The following ATP2B4 variants were observed in gnomAD, a reference collection of about 807,000 sequenced individuals.
ATP2B4 encodes plasma membrane calcium-transporting ATPase 4.
In ATP2B4, 39 loss-of-function variants were observed where a neutral mutation model predicts 110.3. The ratio of observed to expected loss-of-function variants is 0.35; its 90% CI spans 0.27 to 0.46. The LOEUF (loss-of-function observed/expected upper bound fraction) is 0.46, where lower values mean the gene tolerates loss of function less well. Among genes scored for constraint, ATP2B4 ranks in the 20% least tolerant of loss-of-function variants. ATP2B4 has a pLI of 1.00. For missense variants in ATP2B4, 1,135 were observed against 1,530.9 expected (o/e 0.74, Z 4.32); for synonymous variants, 538 against 571.7 (o/e 0.94, Z 0.84).
chr1:203,700,417 T>G, intron 5 of ATP2B4, 86 bp downstream of exon 5: 5 of 1,488,220 alleles, frequency 3.4e-6, no homozygotes, highest in East Asian at 2.3e-5. Flanking sequence ...CTCCTCTGAC[T>G]CTGTCCCATC....
intron 2 of ATP2B4, 126 bp downstream of exon 2, chr1:203,683,524 AGGTAT>A (rs1665080137): frequency 1.1e-6 from 1 of 949,410 alleles, no homozygotes; most frequent in Admixed American, 3.1e-5. Context: ...CTGGTGGGAA[AGGTAT>A]GGCATCTGAA....
intron 19 of ATP2B4, 130 bp downstream of exon 19, chr1:203,724,118 C>A (rs894041646): frequency 2.8e-6 from 2 of 704,976 alleles, no homozygotes; most frequent in East Asian, 5.8e-5. Flanking sequence ...TCCCTCCCCA[C>A]CCCCACTCAA....
chr1:203,664,673 G>T (rs949058594), intron 1 of ATP2B4, among the ~76,000 whole-genome samples: 1 of 152,108 alleles, frequency 6.6e-6, no homozygotes, highest in Non-Finnish European at 1.5e-5. Flanking sequence ...CCACGGGGCT[G>T]GCCACTTTGA....
chr1:203,647,620 G>A (rs181119020), intron 1 of ATP2B4, among the ~76,000 whole-genome samples: 227 of 152,068 alleles, frequency 1.5e-3, no homozygotes, highest in Admixed American at 4.0e-3. Context: ...TTAGCTGAGC[G>A]TGGTAGTGCA....
rs1665984337 is a variant in ATP2B4, at chr1:203,710,825, A to T, written c.1800-52A>T. 6 of 1,373,896 alleles carry T rather than the reference A, an allele frequency of 4.4e-6. No homozygotes were observed. In the Admixed American group the frequency reaches 1.1e-4, roughly 26 times the overall value. The allele number at this position is 1,373,896 out of a possible 1,614,324, so 85.1% of individuals were successfully genotyped here. ...CAAAATACCTGTCAATGATTGTAGAAACGTATTGAGTGGGAAGGGAGACAC... is the reference window on the plus strand; with the variant it reads ...CAAAATACCTGTCAATGATTGTAGATACGTATTGAGTGGGAAGGGAGACAC... On this transcript the variant is annotated intron_variant, in intron 11 of 20. Coordinates refer to ENST00000357681, the MANE Select transcript of ATP2B4 (RefSeq NM_001684.5).
At chr1:203,733,239 C>G (rs755298555) in intron 20 of ATP2B4, 4 of 1,612,848 alleles carry the variant, frequency 2.5e-6, no homozygotes, top group Non-Finnish European at 2.5e-6. Context: ...GTAATTAACA[C>G]ATTCCAGACG....
intron 1 of ATP2B4, among the ~76,000 whole-genome samples, chr1:203,637,337 A>G (rs1205522635): frequency 1.3e-5 from 2 of 148,806 alleles, no homozygotes; most frequent in Admixed American, 6.8e-5. Flanking sequence ...AGGCTGAGGC[A>G]GGAGAATGGC....
At position 203,683,218 on chromosome 1, in the gene ATP2B4, T is replaced by G. The variant is rs772349464; in HGVS notation, c.13T>G (p.Ser5Ala). 5 of 1,613,812 alleles carry G rather than the reference T, an allele frequency of 3.1e-6. No homozygotes were observed. Among genetic ancestry groups the G allele is most frequent in the Non-Finnish European group, 3.4e-6 (4 of 1,179,918 alleles). The change falls in exon 2 of 21, where the codon TCA becomes GCA. Residue 5 changes from serine (S) to alanine (A), a missense_variant. Coordinates refer to ENST00000357681, the MANE Select transcript of ATP2B4 (RefSeq NM_001684.5). The stretch of plus-strand genomic sequence containing the variant: ...AACAGCAGGCAAAATGACGAACCCA[T>G]CAGACCGTGTCTTGCCTGCCAACTC... MTNP[S>A]DRVLPANSMA...
At chr1:203,671,475 G>C (rs1664660319) in intron 1 of ATP2B4, among the ~76,000 whole-genome samples, 1 of 152,130 alleles carries the variant, frequency 6.6e-6, no homozygotes, top group Non-Finnish European at 1.5e-5. Context: ...TGCCCATCTT[G>C]AACCACCTAT....
chr1:203,719,721 T>TATAA (rs34272522), intron 15 of ATP2B4, among the ~76,000 whole-genome samples: 30,301 of 146,162 alleles, frequency 0.21, 3,616 homozygotes, highest in Middle Eastern at 0.36. Context: ...TCTCAAAAAC[T>TATAA]ATAAATAAAT....
intron 2 of ATP2B4, 28 bp from the exon 3 acceptor site, chr1:203,698,129 C>G (rs1021918516): frequency 6.2e-7 from 1 of 1,607,130 alleles, no homozygotes; most frequent in Non-Finnish European, 8.5e-7. Flanking sequence ...TTCCTACATT[C>G]ATTCATCCAC....
At chr1:203,657,229 G>T in intron 1 of ATP2B4, 1 of 724,950 alleles carries the variant, frequency 1.4e-6, no homozygotes, top group Non-Finnish European at 2.5e-6. Context: ...ATGCATATTG[G>T]CCTGATCAGT....
chr1:203,692,807 A>G (rs980848975), intron 2 of ATP2B4, among the ~76,000 whole-genome samples: 1 of 152,114 alleles, frequency 6.6e-6, no homozygotes, highest in African/African-American at 2.4e-5. Flanking sequence ...CTGCACACTC[A>G]TGGCAGACAC....
Position 203,709,588 on chromosome 1 carries a change from A to G in ATP2B4, c.1799+46A>G, listed in dbSNP as rs1450313624. 3.7e-6 allele frequency: 6 copies of G among 1,611,110 alleles called. No individual in the cohort carries two copies. The South Asian group carries it at 5.5e-5, about 15-fold the overall frequency. The stretch of plus-strand genomic sequence containing the variant: ...TGCTTCCCTTCAAGATCCTCTCCTC[A>G]GGAAGGCATGGGTGCACACCCCACA... On this transcript the variant is annotated intron_variant, in intron 11 of 20. Coordinates refer to ENST00000357681, the MANE Select transcript of ATP2B4 (RefSeq NM_001684.5).
At chr1:203,703,964 C>G in intron 8 of ATP2B4, 151 bp downstream of exon 8, 1 of 977,614 alleles carries the variant, frequency 1.0e-6, no homozygotes, top group African/African-American at 1.7e-5. Flanking sequence ...TTCCCTATCT[C>G]CGCCACTGTT....
chr1:203,724,601 T>A (rs908479964), intron 19 of ATP2B4, among the ~76,000 whole-genome samples: 2 of 147,796 alleles, frequency 1.4e-5, no homozygotes, highest in African/African-American at 2.5e-5. Context: ...AAAAAAAAAA[T>A]ATATAATAAG....
rs1235417256 is a variant in ATP2B4, at chr1:203,709,381, G to A, written c.1638G>A (p.Leu546=). 6.2e-7 allele frequency: 1 copy of A among 1,614,112 alleles called. No homozygotes were observed. The highest frequency in any genetic ancestry group is 8.5e-7 in the Non-Finnish European group (1 of 1,180,060). ...ECALLGFVTD[L]KQDYQAVRNE... ...CTCTGCTAGGCTTTGTCACAGATCT[G>A]AAGCAGGATTATCAGGCTGTGCGTA... The change falls in exon 11 of 21, where the codon CTG becomes CTA. Residue 546 remains leucine, a synonymous_variant. Transcript: ENST00000357681.
intron 11 of ATP2B4, 60 bp downstream of exon 11, chr1:203,709,602 G>T: frequency 6.2e-7 from 1 of 1,605,726 alleles, no homozygotes; most frequent in Non-Finnish European, 8.5e-7. Flanking sequence ...AGGCATGGGT[G>T]CACACCCCAC....
intron 20 of ATP2B4, among the ~76,000 whole-genome samples, chr1:203,731,937 G>C (rs1417847031): frequency 6.6e-6 from 1 of 151,090 alleles, no homozygotes; most frequent in African/African-American, 2.4e-5. Flanking sequence ...CCAGCACTTT[G>C]GGAGGCCAAG....
Sources: gnomAD v4.1 joint callset for allele counts (sites outside exome capture counted in the v4.1 genomes callset) on GRCh38, gnomAD v4.1.1 for gene constraint, MANE v1.5 for transcripts, NCBI Gene and HGNC (gene_info 2026-07-23, HGNC 2026-07-21) for gene names.